Variants in ACTA2 observed in about 807,000 individuals in gnomAD.
ACTA2 encodes the protein actin, aortic smooth muscle.
A neutral mutation model predicts 39.5 loss-of-function variants in ACTA2; 12 were observed. The ratio of observed to expected loss-of-function variants is 0.30; its 90% CI spans 0.19 to 0.49. The LOEUF (loss-of-function observed/expected upper bound fraction) is 0.49. ACTA2 is among the 20% of genes least tolerant of loss of function. The pLI is 0.99. For missense variants in ACTA2, 236 were observed against 498.8 expected, an observed-to-expected ratio of 0.47 and a Z score of 5.02; for synonymous variants, 158 against 180.6, an observed-to-expected ratio of 0.88 and a Z score of 1.00.
chr10:88,986,678 T>TACA (rs1422829002), intron 1 of ACTA2, among the ~76,000 whole-genome samples: 29 of 64,954 alleles, frequency 4.5e-4, no homozygotes, highest in Non-Finnish European at 7.5e-4. Flanking sequence ...AAGGAAGTAG[T>TACA]GCAGGAAGGA....
At chr10:88,936,751 A>G (rs1447361987) in intron 8 of ACTA2, among the ~76,000 whole-genome samples, 1 of 152,046 alleles carries the variant, frequency 6.6e-6, no homozygotes, top group Non-Finnish European at 1.5e-5. Context: ...AAATTACCCA[A>G]GTCTTAGGTA....
At position 88,964,317 on chromosome 10, in the gene ACTA2, A is replaced by G. The variant is rs1207448314; in HGVS notation, c.-23-15364T>C. Among the ~76,000 whole-genome samples the G allele has an allele frequency of 2.0e-5, 3 of 152,200 alleles. No individual in the cohort carries two copies. The East Asian group carries it at 5.8e-4, about 29-fold the overall frequency. ...ATGGGAGATACCCAGGGAATGAGCA[A>G]TTCTCAAAGAAGTGGCTTAGAACTC... On this transcript the variant is annotated intron_variant, in intron 1 of 4. Transcript: ENST00000415557.
chr10:88,965,099 A>G (rs1292306900), intron 1 of ACTA2, among the ~76,000 whole-genome samples: 1 of 152,168 alleles, frequency 6.6e-6, no homozygotes, highest in African/African-American at 2.4e-5. Flanking sequence ...ATTCATCTAC[A>G]GCAAACCTTC....
intron 1 of ACTA2, among the ~76,000 whole-genome samples, chr10:88,966,470 TG>T (rs781253242): frequency 3.3e-5 from 5 of 152,194 alleles, no homozygotes; most frequent in Non-Finnish European, 7.3e-5. Flanking sequence ...TTTAATATCC[TG>T]TCTACCTCTA....
chr10:88,970,213 T>C (rs1846402119), intron 1 of ACTA2, among the ~76,000 whole-genome samples: 1 of 152,174 alleles, frequency 6.6e-6, no homozygotes, highest in Admixed American at 6.5e-5. Context: ...ATAGGCAAAG[T>C]CACTACCCTG....
In ACTA2 at chr10:88,962,941, AT is replaced by A. The variant is rs1564653465; in HGVS notation, c.-23-13989del. Among the ~76,000 whole-genome samples, 45 of 12,726 alleles carry A rather than the reference AT, an allele frequency of 3.5e-3. 2 individuals carry two copies. The highest frequency in any genetic ancestry group is 0.022 in the African/African-American group (28 of 1,274). 8.3% of individuals were successfully genotyped at this position (12,726 alleles called of 152,430 possible). ...TATATATATATATATATATATATAT[AT>A]ATATATATATATATATATATATATA... On this transcript the variant is annotated intron_variant, in intron 1 of 4. Coordinates refer to the ACTA2 transcript ENST00000415557.
chr10:88,980,025 G>A (rs117900829), intron 1 of ACTA2, among the ~76,000 whole-genome samples: 2,362 of 152,354 alleles, frequency 0.016, 31 homozygotes, highest in Non-Finnish European at 0.026. Flanking sequence ...AGTTTCAGAA[G>A]ATGGCCAGCT....
upstream of ACTA2, among the ~76,000 whole-genome samples, chr10:88,953,871 TTAAG>T (rs1282014501): frequency 6.6e-6 from 1 of 152,188 alleles, no homozygotes; most frequent in African/African-American, 2.4e-5. Flanking sequence ...TGCCATGAGT[TTAAG>T]TTTCTTGAGG....
intron 1 of ACTA2, chr10:88,973,413 T>C: frequency 7.8e-7 from 1 of 1,279,198 alleles, no homozygotes; most frequent in Non-Finnish European, 1.0e-6. Context: ...TGAAAACAAC[T>C]CTTTCTTGTT....
At chr10:88,943,954 G>A (rs761640088) in intron 3 of ACTA2, 47 bp from the exon 4 acceptor site, 2 of 1,563,012 alleles carry the variant, frequency 1.3e-6, no homozygotes, top group East Asian at 2.2e-5. Context: ...GTGCTGTCAT[G>A]AGGTCCTGCA....
chr10:88,975,674 C>T (rs1846546578), intron 1 of ACTA2, among the ~76,000 whole-genome samples: 2 of 151,940 alleles, frequency 1.3e-5, no homozygotes. Flanking sequence ...CAATGCTGCG[C>T]CTCCAGGTCA....
chr10:88,960,837 C>T (rs1846215700), intron 1 of ACTA2, among the ~76,000 whole-genome samples: 2 of 152,126 alleles, frequency 1.3e-5, no homozygotes, highest in South Asian at 4.1e-4. Flanking sequence ...AGCTATCTTA[C>T]CAAGGGGAAA....
At position 88,990,844 on chromosome 10, in the gene ACTA2, A is replaced by G. The variant is rs1847132328; in HGVS notation, c.-24+95T>C. On this transcript the variant is annotated intron_variant, in intron 1 of 4. Coordinates refer to the ACTA2 transcript ENST00000415557. The surrounding 1 kb of genome is among the most constrained non-coding windows in gnomAD (Gnocchi z 4.9). ...GACCCGCTCAGTACGGAGTTGGGGA[A>G]GCTCTTTCACTTCGGAGGATTGCTC... 1 of 1,614,066 alleles carries G rather than the reference A, an allele frequency of 6.2e-7. No individual in the cohort carries two copies. Among genetic ancestry groups the G allele is most frequent in the African/African-American group, 1.3e-5 (1 of 74,940 alleles).
At chr10:88,963,754 G>T (rs1394319867) in intron 1 of ACTA2, among the ~76,000 whole-genome samples, 1 of 150,906 alleles carries the variant, frequency 6.6e-6, no homozygotes, top group East Asian at 1.9e-4. Flanking sequence ...GGTCAAAAAA[G>T]AAGTAGGTTC....
rs370076977 is a variant in ACTA2 at position 88,959,667 on chromosome 10, C to T, written c.-23-10714G>A. 2.6e-5 allele frequency among the ~76,000 whole-genome samples: 4 copies of T among 152,298 alleles called. No homozygotes were observed. In the East Asian group the frequency reaches 7.7e-4, roughly 29 times the overall value. ...TGGTACATTTTCCATAATTAATGAA[C>T]TGATATTTATACATTTTTAAGGAAT... On this transcript the variant is annotated intron_variant, in intron 1 of 4. Coordinates refer to the ACTA2 transcript ENST00000415557.
At chr10:88,947,534 T>C (rs935955011) in intron 2 of ACTA2, 148 bp from the exon 3 acceptor site, 4 of 1,228,936 alleles carry the variant, frequency 3.3e-6, no homozygotes, top group Non-Finnish European at 4.6e-6. Context: ...ATTGCCACTA[T>C]GCTCTTAAGC....
rs1847147682 is a variant in ACTA2 at position 88,990,972 on chromosome 10, C to T, written c.-57G>A. The T allele has an allele frequency of 5.0e-6, 8 of 1,608,488 alleles. No individual in the cohort carries two copies. In the South Asian group the frequency reaches 6.6e-5, roughly 13 times the overall value. ...AGTCCCGGGGATAGGCAAAGTGGGG[C>T]GGGCGCGGGACGCGTGCGGGATTGC... On this transcript the variant is annotated 5_prime_UTR_variant, in exon 1 of 5. Transcript: ENST00000415557. The surrounding 1 kb of genome is among the most constrained non-coding windows in gnomAD (Gnocchi z 4.9).
intron 1 of ACTA2, among the ~76,000 whole-genome samples, chr10:88,968,154 A>G (rs1846354259): frequency 6.6e-6 from 1 of 152,182 alleles, no homozygotes; most frequent in African/African-American, 2.4e-5. Context: ...TGTATTTTGC[A>G]TATTTAATTT....
At position 88,990,560 on chromosome 10, in the gene ACTA2, T is replaced by C. The variant is rs1248440568; in HGVS notation, c.-24+379A>G. 6 of 641,204 alleles carry C rather than the reference T, an allele frequency of 9.4e-6. No homozygotes were observed. Among genetic ancestry groups the C allele is most frequent in the African/African-American group, 1.8e-5 (1 of 56,228 alleles). The allele number at this position is 641,204 out of a possible 1,614,324, so 39.7% of individuals were successfully genotyped here. A position where few individuals can be genotyped will look rare whatever the true frequency, so the allele number is the denominator to read the frequency against. Reference sequence around the variant, plus strand: ...CCCGCGCGCAGGCCAAGTTGCTGAATCAATGGAGCCCTCCCCAACCCGGGC... The same window carrying C: ...CCCGCGCGCAGGCCAAGTTGCTGAACCAATGGAGCCCTCCCCAACCCGGGC... On this transcript the variant is annotated intron_variant, in intron 1 of 4. Transcript: ENST00000415557. This position sits in a 1 kb window ranked among gnomAD's most constrained non-coding sequence, Gnocchi z 4.9.
Sources: gnomAD v4.1 joint callset for allele counts (sites outside exome capture counted in the v4.1 genomes callset) on GRCh38, gnomAD v4.1.1 for gene constraint, Gnocchi (gnomAD v3.1) non-coding constraint, MANE v1.5 for transcripts, NCBI Gene and HGNC (gene_info 2026-07-23, HGNC 2026-07-21) for gene names.